The following CDH12 variants were observed in gnomAD, a reference collection of about 807,000 sequenced individuals.
The protein encoded by CDH12 is cadherin 12.
In CDH12, 41 loss-of-function variants were observed where a neutral mutation model predicts 74.1. The ratio of observed to expected loss-of-function variants is 0.55; its 90% CI spans 0.43 to 0.72. The LOEUF is 0.72. Ranked by LOEUF, CDH12 falls within the 30% of genes least tolerant of loss-of-function variation. The pLI is 0.00. For missense variants in CDH12, 945 were observed against 977.2 expected, an observed-to-expected ratio of 0.97 and a Z score of 0.44; for synonymous variants, 399 against 355.0, an observed-to-expected ratio of 1.12 and a Z score of -1.39.
At chr5:22,723,358 G>A (rs1743998313) in intron 1 of CDH12, among the ~76,000 whole-genome samples, 1 of 152,106 alleles carries the variant, frequency 6.6e-6, no homozygotes, top group Non-Finnish European at 1.5e-5. Flanking sequence ...AGATTTTCCA[G>A]ACTATAGAAG....
intron 1 of CDH12, among the ~76,000 whole-genome samples, chr5:22,507,241 A>G (rs1736426843): frequency 6.6e-6 from 1 of 152,142 alleles, no homozygotes; most frequent in Admixed American, 6.6e-5. Flanking sequence ...ATAAGATCTA[A>G]TATATTTTCT....
At chr5:22,697,259 G>A (rs1742418876) in intron 1 of CDH12, among the ~76,000 whole-genome samples, 2 of 152,080 alleles carry the variant, frequency 1.3e-5, no homozygotes, top group Non-Finnish European at 2.9e-5. Context: ...GGTTCAGAGT[G>A]AAACATTGTT....
intron 3 of CDH12, among the ~76,000 whole-genome samples, chr5:22,401,309 T>C (rs1242865933): frequency 6.6e-6 from 1 of 152,172 alleles, no homozygotes; most frequent in African/African-American, 2.4e-5. Context: ...TCCTTCCTCA[T>C]TCTCTAAAAT....
chr5:22,538,361 C>T (rs932257279), intron 1 of CDH12, among the ~76,000 whole-genome samples: 7 of 152,190 alleles, frequency 4.6e-5, no homozygotes, highest in Non-Finnish European at 1.0e-4. Flanking sequence ...ATGGATTAGT[C>T]TCTCCACCAA....
intron 3 of CDH12, among the ~76,000 whole-genome samples, chr5:22,356,965 A>C (rs761377837): frequency 2.2e-4 from 33 of 152,172 alleles, no homozygotes; most frequent in Non-Finnish European, 4.3e-4. Context: ...TTGAATAATT[A>C]GAAGACTGGT....
chr5:22,113,521 T>C (rs978774984), intron 4 of CDH12, among the ~76,000 whole-genome samples: 1 of 152,070 alleles, frequency 6.6e-6, no homozygotes, highest in African/African-American at 2.4e-5. Flanking sequence ...AGCCTGGAAG[T>C]CCCTGCTTGA....
At position 22,093,387 on chromosome 5, in the gene CDH12, C is replaced by T. The variant is rs190460204; in HGVS notation, c.-186-14525G>A. 8.4e-4 allele frequency among the ~76,000 whole-genome samples: 128 copies of T among 152,214 alleles called. 2 individuals carry two copies. The East Asian group carries it at 0.023, about 28-fold the overall frequency. ...TAAACTAAGGGTACATATAAAAAGT[C>T]TACATTTAGCTCATTTACATAACAC... On this transcript the variant is annotated intron_variant, in intron 4 of 14. Coordinates refer to ENST00000382254, the MANE Select transcript of CDH12 (RefSeq NM_004061.5).
At chr5:22,429,310 T>C (rs1220075918) in intron 2 of CDH12, among the ~76,000 whole-genome samples, 1 of 151,862 alleles carries the variant, frequency 6.6e-6, no homozygotes, top group African/African-American at 2.4e-5. Context: ...TTTGTTTTTT[T>C]GCATTTTTTT....
At chr5:22,742,013 T>A (rs989113474) in intron 1 of CDH12, among the ~76,000 whole-genome samples, 1 of 151,996 alleles carries the variant, frequency 6.6e-6, no homozygotes, top group African/African-American at 2.4e-5. Context: ...AAACCCTGTC[T>A]CTACTAAAAA....
intron 2 of CDH12, among the ~76,000 whole-genome samples, chr5:22,502,741 C>T (rs1389066812): frequency 6.6e-6 from 1 of 151,848 alleles, no homozygotes; most frequent in African/African-American, 2.4e-5. Flanking sequence ...AAACACAGCT[C>T]CACATCCTAT....
intron 3 of CDH12, among the ~76,000 whole-genome samples, chr5:22,315,898 A>ATT (rs987930157): frequency 6.7e-6 from 1 of 149,796 alleles, no homozygotes; most frequent in African/African-American, 2.5e-5. Flanking sequence ...TAGGAGTTTC[A>ATT]TTTTTTTTTT....
At chr5:22,766,732 C>G (rs1016437327) in intron 1 of CDH12, among the ~76,000 whole-genome samples, 5 of 152,094 alleles carry the variant, frequency 3.3e-5, no homozygotes, top group Admixed American at 1.3e-4. Flanking sequence ...AACTTGTTTT[C>G]TTGTCATTGT....
At chr5:21,862,031 T>C (rs985781136) in intron 6 of CDH12, among the ~76,000 whole-genome samples, 8 of 152,180 alleles carry the variant, frequency 5.3e-5, no homozygotes, top group Middle Eastern at 3.4e-3. Context: ...TTCATTTTTA[T>C]GTGGTTATTT....
intron 12 of CDH12, among the ~76,000 whole-genome samples, chr5:21,762,718 T>C (rs565610031): frequency 6.6e-6 from 1 of 152,150 alleles, no homozygotes; most frequent in Non-Finnish European, 1.5e-5. Context: ...ACTAATTTCC[T>C]TTTCTCAACT....
intron 8 of CDH12, among the ~76,000 whole-genome samples, chr5:21,840,337 T>G (rs2149983362): frequency 6.6e-6 from 1 of 152,206 alleles, no homozygotes; most frequent in East Asian, 1.9e-4. Flanking sequence ...ATTGATAGCA[T>G]AAGACCAATA....
chr5:22,523,142 C>T (rs1025768602), intron 1 of CDH12, among the ~76,000 whole-genome samples: 1 of 152,110 alleles, frequency 6.6e-6, no homozygotes. Context: ...ACTTTGAAAA[C>T]TCTTTCTTAG....
intron 3 of CDH12, among the ~76,000 whole-genome samples, chr5:22,301,360 T>C (rs1436090861): frequency 6.6e-6 from 1 of 152,098 alleles, no homozygotes. Context: ...CTAATATAGC[T>C]CACAGAGATG....
intron 1 of CDH12, among the ~76,000 whole-genome samples, chr5:22,692,147 C>A (rs1395981986): frequency 6.6e-6 from 1 of 152,118 alleles, no homozygotes; most frequent in Admixed American, 6.5e-5. Context: ...TTAGTTCCTA[C>A]AATAACTGAT....
At chr5:22,656,713 C>G (rs1415298201) in intron 1 of CDH12, among the ~76,000 whole-genome samples, 1 of 152,002 alleles carries the variant, frequency 6.6e-6, no homozygotes, top group Admixed American at 6.6e-5. Flanking sequence ...CATGTATGTG[C>G]CACAAAAAGA....
Sources: allele counts gnomAD v4.1 joint callset (sites outside exome capture counted in the v4.1 genomes callset), GRCh38; gene constraint gnomAD v4.1.1; transcripts MANE v1.5; gene names NCBI Gene and HGNC (gene_info 2026-07-23, HGNC 2026-07-21).